Variants in DNAH12 observed in about 807,000 individuals in gnomAD.
DNAH12 encodes dynein axonemal heavy chain 12, also known as axonemal beta dynein heavy chain 12.
A neutral mutation model predicts 371.5 loss-of-function variants in DNAH12; 285 were observed. The observed-to-expected ratio is 0.77, with a 90% confidence interval of 0.70 to 0.85. The LOEUF is 0.85. DNAH12 is among the 40% of genes least tolerant of loss of function. The probability of loss-of-function intolerance (pLI) is 0.00; values close to 1 mark genes in which losing one functional copy is unlikely to be tolerated. For synonymous variants in DNAH12, 1,200 were observed against 1,213.0 expected, an observed-to-expected ratio of 0.99 and a Z score of 0.22; for missense variants, 3,611 against 3,689.4, an observed-to-expected ratio of 0.98 and a Z score of 0.55.
intron 13 of DNAH12, among the ~76,000 whole-genome samples, chr3:57,480,778 T>G (rs2066712253): frequency 6.6e-6 from 1 of 152,148 alleles, no homozygotes; most frequent in South Asian, 2.1e-4. Context: ...CGCAAATCAA[T>G]AAATGTCATC....
chr3:57,311,459 C>T lies in DNAH12; in HGVS notation c.10663-509G>A, dbSNP rs574498911. 5.4e-4 allele frequency among the ~76,000 whole-genome samples: 82 copies of T among 152,248 alleles called. 1 individual carries two copies. Among genetic ancestry groups the T allele is most frequent in the Non-Finnish European group, 7.4e-4 (50 of 68,016 alleles). On this transcript the variant is annotated intron_variant, in intron 66 of 73. Transcript: ENST00000495027. ...CATATTGCTTCTGTAATGAGAAAAA[C>T]ATTTAATAAAAAAAGACGACATGGA...
intron 43 of DNAH12, chr3:57,402,343 T>C: frequency 8.0e-7 from 1 of 1,246,264 alleles, no homozygotes; most frequent in Non-Finnish European, 1.1e-6. Context: ...ATCTCTCTGT[T>C]GGGGCTACAG....
chr3:57,424,790 CAAAA>C (rs66686551), intron 35 of DNAH12, among the ~76,000 whole-genome samples: 18 of 125,038 alleles, frequency 1.4e-4, no homozygotes, highest in East Asian at 2.4e-4. Context: ...GCCCTGTCTC[CAAAA>C]AAAAAAAAAA....
chr3:57,390,187 C>T (rs1309645809), intron 45 of DNAH12, among the ~76,000 whole-genome samples: 1 of 145,994 alleles, frequency 6.8e-6, no homozygotes, highest in African/African-American at 2.5e-5. Flanking sequence ...CCTATAATCC[C>T]AGGACTTTGG....
intron 39 of DNAH12, among the ~76,000 whole-genome samples, chr3:57,409,965 A>G (rs1241670300): frequency 6.6e-6 from 1 of 152,164 alleles, no homozygotes. Flanking sequence ...CAGCCACAGA[A>G]AACATACAGT....
intron 13 of DNAH12, among the ~76,000 whole-genome samples, chr3:57,474,539 A>G (rs993279307): frequency 1.3e-5 from 2 of 152,152 alleles, no homozygotes; most frequent in African/African-American, 4.8e-5. Context: ...CAGGTGATCC[A>G]CCCACGTCGG....
rs574787661 is a variant in DNAH12 at position 57,449,170 on chromosome 3, C to T, written c.3787-2481G>A. Among the ~76,000 whole-genome samples the T allele has an allele frequency of 2.2e-3, 331 of 150,558 alleles. 4 individuals are homozygous for T. Among genetic ancestry groups the T allele is most frequent in the African/African-American group, 7.8e-3 (318 of 40,956 alleles). Reference sequence around the variant, plus strand: ...GCTAGATACAGAGTGTTGATTGGTGCACTCACAAACCTTGAGCTAAACACA... The same window carrying T: ...GCTAGATACAGAGTGTTGATTGGTGTACTCACAAACCTTGAGCTAAACACA... On this transcript the variant is annotated intron_variant, in intron 25 of 73. Coordinates refer to ENST00000495027, the MANE Select transcript of DNAH12 (RefSeq NM_001366028.2).
chr3:57,392,680 AG>A (rs1453896213), intron 44 of DNAH12, among the ~76,000 whole-genome samples: 2 of 152,244 alleles, frequency 1.3e-5, no homozygotes, highest in African/African-American at 4.8e-5. Context: ...CTAAAAAAAA[AG>A]TTTTGCGACA....
At chr3:57,303,975 C>T (rs2061416192) in intron 69 of DNAH12, among the ~76,000 whole-genome samples, 1 of 152,142 alleles carries the variant, frequency 6.6e-6, no homozygotes, top group South Asian at 2.1e-4. Flanking sequence ...TGGTCCATGC[C>T]TTAACTGATG....
At chr3:57,378,499 T>A (rs2063326862) in intron 52 of DNAH12, among the ~76,000 whole-genome samples, 1 of 152,236 alleles carries the variant, frequency 6.6e-6, no homozygotes, top group South Asian at 2.1e-4. Context: ...TGATCATTTA[T>A]TCTATCTTCT....
At chr3:57,397,974 T>A (rs1489960805) in intron 43 of DNAH12, among the ~76,000 whole-genome samples, 2 of 152,154 alleles carry the variant, frequency 1.3e-5, no homozygotes, top group Non-Finnish European at 2.9e-5. Context: ...TGCAGATCTA[T>A]GAACTGACTA....
chr3:57,362,769 C>T (rs967984269), intron 58 of DNAH12, among the ~76,000 whole-genome samples: 3 of 152,086 alleles, frequency 2.0e-5, no homozygotes, highest in Non-Finnish European at 4.4e-5. Context: ...TGGATATTAG[C>T]CCTTTGCCAG....
intron 58 of DNAH12, among the ~76,000 whole-genome samples, chr3:57,357,950 TTCA>T (rs2062838030): frequency 6.6e-6 from 1 of 152,210 alleles, no homozygotes; most frequent in African/African-American, 2.4e-5. Flanking sequence ...GCTGTAGATA[TTCA>T]ACCCCCAAAG....
At chr3:57,376,521 G>T (rs2063284391) in intron 53 of DNAH12, among the ~76,000 whole-genome samples, 1 of 152,060 alleles carries the variant, frequency 6.6e-6, no homozygotes, top group African/African-American at 2.4e-5. Context: ...TTCATTCAAT[G>T]AATAGAATAA....
chr3:57,418,617 C>G (rs2064466264), intron 37 of DNAH12, among the ~76,000 whole-genome samples: 2 of 150,722 alleles, frequency 1.3e-5, no homozygotes, highest in South Asian at 4.2e-4. Flanking sequence ...CTTCTAAATG[C>G]AAAAATGCAA....
At position 57,415,446 on chromosome 3, in the gene DNAH12, T is replaced by TC; in HGVS notation, c.5832dup (p.Thr1945AspfsTer13). ...CTAACCTGAACCTGATTGGCGCTGG[T>TC]CCGTGCAGATAAGTTAATATAAAAA... On this transcript the variant is annotated frameshift_variant, in exon 38 of 74. Transcript: ENST00000495027. LOFTEE classifies it high-confidence loss of function. 1 of 1,550,172 alleles carries TC rather than the reference T, an allele frequency of 6.5e-7. No individual in the cohort carries two copies. The highest frequency in any genetic ancestry group is 8.7e-7 in the Non-Finnish European group (1 of 1,146,690).
intron 11 of DNAH12, among the ~76,000 whole-genome samples, chr3:57,495,978 GATTTTATAT>G (rs768675269): frequency 2.9e-5 from 4 of 137,588 alleles, no homozygotes; most frequent in Non-Finnish European, 6.1e-5. Context: ...TTTAATCCCT[GATTTTATAT>G]ATATTATATA....
At chr3:57,370,655 A>C (rs2063150663) in intron 55 of DNAH12, among the ~76,000 whole-genome samples, 1 of 152,226 alleles carries the variant, frequency 6.6e-6, no homozygotes, top group Non-Finnish European at 1.5e-5. Context: ...AAAATATGAC[A>C]TTATTTTAAA....
intron 73 of DNAH12, among the ~76,000 whole-genome samples, chr3:57,294,467 G>A (rs975225311): frequency 7.2e-5 from 11 of 152,084 alleles, no homozygotes; most frequent in Admixed American, 2.0e-4. Flanking sequence ...GAGCCACTGC[G>A]CCCAGCCCAA....
Sources: allele counts gnomAD v4.1 joint callset (sites outside exome capture counted in the v4.1 genomes callset), GRCh38; gene constraint gnomAD v4.1.1; transcripts MANE v1.5; gene names NCBI Gene and HGNC (gene_info 2026-07-23, HGNC 2026-07-21).